Variants in SLC35F5 observed in about 807,000 individuals in gnomAD.
SLC35F5 encodes the protein HCV NS5A-transactivated protein 3.
SLC35F5 carries 54 observed loss-of-function variants against 68.6 expected under a neutral mutation model. That is an observed-to-expected ratio of 0.79 (90% CI 0.63 to 0.99). The LOEUF is 0.99. Among genes scored for constraint, SLC35F5 ranks in the 50% least tolerant of loss-of-function variants. The pLI, the probability that SLC35F5 is intolerant of heterozygous loss-of-function variation, is 0.00. For synonymous variants in SLC35F5, 211 were observed against 205.2 expected (o/e 1.03, Z -0.24); for missense variants, 567 against 626.9 (o/e 0.90, Z 1.02).
rs374889313 is a variant in SLC35F5 at position 113,755,207 on chromosome 2, C to G, written c.231G>C (p.Leu77=). The G allele has an allele frequency of 5.6e-6, 9 of 1,614,024 alleles. No homozygotes were observed. In the South Asian group the frequency reaches 9.9e-5, roughly 18 times the overall value. ...RRMALGIVIL[L]LVDVIWVASS... Reference sequence around the variant, plus strand: ...AAGCAACCCATATCACATCAACAAGCAGAAGAATAACAATCCCAAGAGCCA... The same window carrying G: ...AAGCAACCCATATCACATCAACAAGGAGAAGAATAACAATCCCAAGAGCCA... The change falls in exon 3 of 16, where the codon CTG becomes CTC. Residue 77 remains leucine, a synonymous_variant. Coordinates refer to ENST00000245680, the MANE Select transcript of SLC35F5 (RefSeq NM_025181.5).
intron 1 of SLC35F5, 169 bp from the exon 2 acceptor site, chr2:113,755,713 A>C: frequency 9.7e-7 from 1 of 1,028,736 alleles, no homozygotes; most frequent in Non-Finnish European, 1.5e-6. Context: ...TATCCACTGC[A>C]CGCTTCAGAT....
chr2:113,728,569 C>T (rs1302636550), intron 11 of SLC35F5, among the ~76,000 whole-genome samples: 3 of 152,270 alleles, frequency 2.0e-5, no homozygotes, highest in African/African-American at 7.2e-5. Context: ...TCCTTCCAAC[C>T]ATCCCAGAAG....
At chr2:113,703,369 T>C (rs1686733992), downstream of SLC35F5, among the ~76,000 whole-genome samples, 1 of 152,192 alleles carries the variant, frequency 6.6e-6, no homozygotes, top group African/African-American at 2.4e-5. Flanking sequence ...CTTATGTAAA[T>C]TCTTAGGCGT....
intron 14 of SLC35F5, among the ~76,000 whole-genome samples, chr2:113,718,831 GGGAAAGAAAA>G (rs1488440544): frequency 1.5e-5 from 2 of 130,030 alleles, no homozygotes; most frequent in African/African-American, 2.9e-5. Context: ...GAAAGAAAGA[GGGAAAGAAAA>G]GGAAAGAAAA....
chr2:113,738,134 C>CT (rs2104452610), intron 7 of SLC35F5, among the ~76,000 whole-genome samples: 1 of 152,186 alleles, frequency 6.6e-6, no homozygotes, highest in African/African-American at 2.4e-5. Flanking sequence ...TAAGAATCTG[C>CT]TCTTATCAAA....
At chr2:113,724,650 G>GT (rs1206375578) in intron 12 of SLC35F5, among the ~76,000 whole-genome samples, 1 of 152,026 alleles carries the variant, frequency 6.6e-6, no homozygotes, top group Non-Finnish European at 1.5e-5. Flanking sequence ...CTAGTTAGCA[G>GT]TTTCAATGGG....
rs1236841397 is a variant in SLC35F5 at position 113,708,764 on chromosome 2, TCATA to T, written c.*6450_*6453del. On this transcript the variant is annotated 3_prime_UTR_variant, in exon 16 of 16. Transcript: ENST00000245680. ...ATAATTACATGCTATAGTAAATTAA[TCATA>T]CACTCAAAATTTTAGCTTGGATTTG... Among the ~76,000 whole-genome samples the T allele has an allele frequency of 6.6e-6, 1 of 152,142 alleles. No individual in the cohort carries two copies. Among genetic ancestry groups the T allele is most frequent in the African/African-American group, 2.4e-5 (1 of 41,456 alleles).
chr2:113,756,381 GC>G lies in SLC35F5; in HGVS notation c.28del (p.Ala10GlnfsTer7). The G allele has an allele frequency of 6.4e-7, 1 of 1,569,600 alleles. No homozygotes were observed. Among genetic ancestry groups the G allele is most frequent in the Non-Finnish European group, 8.6e-7 (1 of 1,158,366 alleles). ...CCCTGCCTGCCTACCTGGCCTTCCTGCCCCGCGATGGCGTCGTGGCGGCACC... is the reference window on the plus strand; with the variant it reads ...CCCTGCCTGCCTACCTGGCCTTCCTGCCCGCGATGGCGTCGTGGCGGCACC... MVPPRRHRG[A>X]GRPGVLSSSP... On this transcript the variant is annotated frameshift_variant, in exon 1 of 16. Transcript: ENST00000245680. LOFTEE classifies it high-confidence loss of function.
intron 7 of SLC35F5, among the ~76,000 whole-genome samples, chr2:113,741,699 TAAA>T (rs11448220): frequency 7.0e-6 from 1 of 142,088 alleles, no homozygotes; most frequent in Non-Finnish European, 1.5e-5. Context: ...GAAACTCCAT[TAAA>T]AAAAAAAAAA....
rs1314710974 is a variant in SLC35F5, at chr2:113,729,441, T to C, written c.1050A>G (p.Lys350=). 1 of 1,592,322 alleles carries C rather than the reference T, an allele frequency of 6.3e-7. No homozygotes were observed. The highest frequency in any genetic ancestry group is 2.3e-5 in the East Asian group (1 of 43,950). ...YAVYIVMIKR[K]VDREDKLDIP... ...TATCCAACTTGTCTTCTCTATCTAC[T>C]TTTCTCTTAATCATAACAATATAGA... Residue 350 remains lysine (K), a synonymous_variant, in exon 11 of 16, where the codon AAA becomes AAG. Transcript: ENST00000245680.
At chr2:113,754,572 CA>C (rs1268553692) in intron 3 of SLC35F5, among the ~76,000 whole-genome samples, 1 of 152,098 alleles carries the variant, frequency 6.6e-6, no homozygotes, top group Non-Finnish European at 1.5e-5. Flanking sequence ...CTTGCAAATT[CA>C]AAATGCCACA....
intron 12 of SLC35F5, among the ~76,000 whole-genome samples, chr2:113,724,390 A>G (rs1378232000): frequency 6.6e-6 from 1 of 152,214 alleles, no homozygotes; most frequent in African/African-American, 2.4e-5. Context: ...ACATAACTAA[A>G]GATGAAAAAA....
At chr2:113,721,505 T>A (rs574603482) in intron 13 of SLC35F5, 4 of 152,996 alleles carry the variant, frequency 2.6e-5, no homozygotes, top group African/African-American at 9.6e-5. Context: ...TGACTAATCA[T>A]TTAATACAAT....
At chr2:113,729,337 C>T in intron 11 of SLC35F5, 64 bp downstream of exon 11, 2 of 865,154 alleles carry the variant, frequency 2.3e-6, no homozygotes, top group Admixed American at 2.7e-5. Context: ...CTCTGAAAAA[C>T]AAAAGCAAAA....
chr2:113,725,208 C>T lies in SLC35F5; in HGVS notation c.1250+170G>A, dbSNP rs190576131. Among the ~76,000 whole-genome samples, 48 of 152,252 alleles carry T rather than the reference C, an allele frequency of 3.2e-4. 1 individual carries two copies. The East Asian group carries it at 8.7e-3, about 28-fold the overall frequency. On this transcript the variant is annotated intron_variant, in intron 12 of 15. Transcript: ENST00000245680. ...AAGGTACTACTCTAGAATGGGCACA[C>T]AGAAGTTAAAAAACAAAGTCCCTGC...
chr2:113,711,189 A>C lies in SLC35F5; in HGVS notation c.*4029T>G, dbSNP rs1475162106. 6.6e-6 allele frequency among the ~76,000 whole-genome samples: 1 copy of C among 152,300 alleles called. No homozygotes were observed. Among genetic ancestry groups the C allele is most frequent in the East Asian group, 1.9e-4 (1 of 5,188 alleles). On this transcript the variant is annotated 3_prime_UTR_variant, in exon 16 of 16. Transcript: ENST00000245680. ...CATGTTTGTGTCACCCCAGATTCAA[A>C]ATGCTGTTATTGGAAATGTTACCAT...
chr2:113,704,183 C>G (rs1326396053), downstream of SLC35F5: 1 of 152,346 alleles, frequency 6.6e-6, no homozygotes, highest in Admixed American at 6.5e-5. Context: ...CCACTGGGGG[C>G]TCGGGCAGCC....
At position 113,735,857 on chromosome 2, in the gene SLC35F5, C is replaced by T; in HGVS notation, c.752G>A (p.Trp251Ter). Residue 251 changes from tryptophan (W) to a stop codon, truncating the protein, a stop_gained and splice_region_variant, in exon 8 of 16, where the codon TGG (tryptophan) becomes TAG (stop). Coordinates refer to ENST00000245680, the MANE Select transcript of SLC35F5 (RefSeq NM_025181.5). LOFTEE classifies it high-confidence loss of function. The part of the protein sequence containing the change: ...AKISFFFCFV[W>*]FLANLSYQEA... ...TTGATATGACAAATTTGCCAAAAAC[C>T]ACTAAAGAAAAAGAAAACCAAAGTG... The T allele has an allele frequency of 6.2e-7, 1 of 1,604,120 alleles. No homozygotes were observed. The highest frequency in any genetic ancestry group is 8.5e-7 in the Non-Finnish European group (1 of 1,174,032).
intron 3 of SLC35F5, among the ~76,000 whole-genome samples, chr2:113,754,367 T>C (rs983134859): frequency 5.9e-5 from 9 of 152,050 alleles, no homozygotes; most frequent in Non-Finnish European, 2.9e-5. Flanking sequence ...TTTACTTAGC[T>C]ACAATATGAG....
Sources: gnomAD v4.1 joint callset for allele counts (sites outside exome capture counted in the v4.1 genomes callset) on GRCh38, gnomAD v4.1.1 for gene constraint, MANE v1.5 for transcripts, NCBI Gene and HGNC (gene_info 2026-07-23, HGNC 2026-07-21) for gene names.